Variants in PRKN observed in about 807,000 individuals in gnomAD.
The protein encoded by PRKN is E3 ubiquitin-protein ligase parkin.
A neutral mutation model predicts 59.5 loss-of-function variants in PRKN; 56 were observed. That is an observed-to-expected ratio of 0.94 (90% CI 0.76 to 1.18). PRKN has a LOEUF of 1.18. Among genes scored for constraint, PRKN ranks in the 50% most tolerant of loss-of-function variants. The pLI, the probability that PRKN is intolerant of heterozygous loss-of-function variation, is 0.00. For synonymous variants in PRKN, 250 were observed against 222.1 expected, an observed-to-expected ratio of 1.13 and a Z score of -1.12; for missense variants, 657 against 596.4, an observed-to-expected ratio of 1.10 and a Z score of -1.06.
At chr6:161,418,051 CA>C (rs1787932620) in intron 9 of PRKN, among the ~76,000 whole-genome samples, 1 of 152,242 alleles carries the variant, frequency 6.6e-6, no homozygotes, top group Non-Finnish European at 1.5e-5. Context: ...AGGCTGCCAG[CA>C]GAGCAGCTGT....
intron 5 of PRKN, among the ~76,000 whole-genome samples, chr6:162,031,018 C>G (rs535947954): frequency 2.6e-5 from 4 of 152,294 alleles, no homozygotes; most frequent in African/African-American, 9.6e-5. Context: ...ATTTCCTCCT[C>G]TAAGATAAGA....
intron 1 of PRKN, among the ~76,000 whole-genome samples, chr6:162,681,198 T>C (rs969571850): frequency 2.0e-5 from 3 of 152,076 alleles, no homozygotes; most frequent in African/African-American, 7.2e-5. Flanking sequence ...TAGCAAAAAA[T>C]GCAGAAATGT....
intron 4 of PRKN, among the ~76,000 whole-genome samples, chr6:162,177,680 T>G (rs1357282669): frequency 2.0e-5 from 3 of 152,204 alleles, no homozygotes; most frequent in Non-Finnish European, 4.4e-5. Flanking sequence ...ACGTTCTCTT[T>G]GTGCCTTCCA....
chr6:161,671,205 T>C (rs907364975), intron 7 of PRKN, among the ~76,000 whole-genome samples: 2 of 152,092 alleles, frequency 1.3e-5, no homozygotes, highest in Non-Finnish European at 2.9e-5. Flanking sequence ...AACCAAGAGA[T>C]TCTGCTGCAT....
At chr6:162,272,654 G>A (rs896087645) in intron 2 of PRKN, among the ~76,000 whole-genome samples, 1 of 151,930 alleles carries the variant, frequency 6.6e-6, no homozygotes, top group African/African-American at 2.4e-5. Flanking sequence ...ATACCTCCGC[G>A]ATTGCAAAAC....
intron 7 of PRKN, among the ~76,000 whole-genome samples, chr6:161,610,539 A>G (rs1048210373): frequency 6.6e-6 from 1 of 150,948 alleles, no homozygotes; most frequent in African/African-American, 2.4e-5. Flanking sequence ...AAATTTAAGA[A>G]CCTCTATGGA....
intron 6 of PRKN, among the ~76,000 whole-genome samples, chr6:161,851,380 T>C (rs144832551): frequency 6.6e-6 from 1 of 152,304 alleles, no homozygotes; most frequent in East Asian, 1.9e-4. Context: ...GCCTAGTCTG[T>C]GGTATTCTAT....
chr6:161,509,247 T>G (rs1024265567), intron 9 of PRKN, among the ~76,000 whole-genome samples: 1 of 151,852 alleles, frequency 6.6e-6, no homozygotes, highest in Non-Finnish European at 1.5e-5. Flanking sequence ...CTTTTTCACC[T>G]CCTGTTCTTG....
chr6:161,884,583 C>T (rs1171485273), intron 6 of PRKN, among the ~76,000 whole-genome samples: 3 of 152,126 alleles, frequency 2.0e-5, no homozygotes, highest in Non-Finnish European at 4.4e-5. Context: ...GATTACGATA[C>T]GAATGGTGAT....
chr6:161,766,314 A>ATTTTT (rs758294050), intron 7 of PRKN, among the ~76,000 whole-genome samples: 1 of 139,606 alleles, frequency 7.2e-6, no homozygotes, highest in Non-Finnish European at 1.5e-5. Context: ...CATTGACCAC[A>ATTTTT]TTTTTTTTTT....
rs561408309 is a variant in PRKN, at chr6:161,582,910, G to A, written c.872-13494C>T. Among the ~76,000 whole-genome samples the A allele has an allele frequency of 6.7e-6, 1 of 148,252 alleles. No homozygotes were observed. The highest frequency in any genetic ancestry group is 2.2e-4 in the South Asian group (1 of 4,628). ...GGCCTGACATAGGAAAAAGACTATGGGAGCCCTTGTGCCAGTGACTAAATT... is the reference window on the plus strand; with the variant it reads ...GGCCTGACATAGGAAAAAGACTATGAGAGCCCTTGTGCCAGTGACTAAATT... On this transcript the variant is annotated intron_variant, in intron 7 of 11. Transcript: ENST00000366898. This position sits in a 1 kb window ranked among gnomAD's most constrained non-coding sequence, Gnocchi z 4.4.
At chr6:162,249,330 T>C (rs1779330855) in intron 3 of PRKN, among the ~76,000 whole-genome samples, 1 of 152,212 alleles carries the variant, frequency 6.6e-6, no homozygotes, top group Non-Finnish European at 1.5e-5. Flanking sequence ...CTTACCAGGA[T>C]ACAATTGAAC....
Position 162,260,953 on chromosome 6 carries a change from C to T in PRKN, c.412+1572G>A, listed in dbSNP as rs1462211453. ...GTTTGGTACCATTTTTGGTTTCAGG[C>T]GTACACTGGGGGATTTGAAACGTAT... On this transcript the variant is annotated intron_variant, in intron 3 of 11. Coordinates refer to ENST00000366898, the MANE Select transcript of PRKN (RefSeq NM_004562.3). Among the ~76,000 whole-genome samples, 8 of 152,068 alleles carry T rather than the reference C, an allele frequency of 5.3e-5. No homozygotes were observed. The South Asian group carries it at 1.2e-3, about 24-fold the overall frequency.
chr6:162,274,646 C>T (rs1286651528), intron 2 of PRKN, among the ~76,000 whole-genome samples: 1 of 152,176 alleles, frequency 6.6e-6, no homozygotes, highest in Non-Finnish European at 1.5e-5. Flanking sequence ...AGTTCCCTCA[C>T]CCATCTCTCT....
intron 9 of PRKN, among the ~76,000 whole-genome samples, chr6:161,514,865 C>T (rs1205576165): frequency 2.0e-5 from 3 of 152,148 alleles, no homozygotes; most frequent in African/African-American, 7.2e-5. Context: ...CTCCTTAGTG[C>T]TGCCGTCATG....
chr6:161,710,511 C>T (rs1281711721), intron 7 of PRKN, among the ~76,000 whole-genome samples: 1 of 152,138 alleles, frequency 6.6e-6, no homozygotes, highest in Non-Finnish European at 1.5e-5. Context: ...AGAACATAGG[C>T]ATGGAGTGTG....
At chr6:162,429,209 G>C (rs1789389843) in intron 2 of PRKN, among the ~76,000 whole-genome samples, 1 of 152,152 alleles carries the variant, frequency 6.6e-6, no homozygotes, top group Non-Finnish European at 1.5e-5. Context: ...GGGGCTCCCT[G>C]ATGCCCTCAG....
intron 7 of PRKN, among the ~76,000 whole-genome samples, chr6:161,764,818 G>A (rs933758684): frequency 6.6e-6 from 1 of 152,140 alleles, no homozygotes; most frequent in Non-Finnish European, 1.5e-5. Context: ...AAATAGCTCT[G>A]TAGTCTTTTC....
At chr6:162,546,001 A>G (rs989105641) in intron 1 of PRKN, among the ~76,000 whole-genome samples, 6 of 152,012 alleles carry the variant, frequency 3.9e-5, no homozygotes, top group African/African-American at 1.5e-4. Flanking sequence ...TATATCTTCT[A>G]TGGCACACAA....
Sources: gnomAD v4.1 joint callset for allele counts (sites outside exome capture counted in the v4.1 genomes callset) on GRCh38, gnomAD v4.1.1 for gene constraint, Gnocchi (gnomAD v3.1) non-coding constraint, MANE v1.5 for transcripts, NCBI Gene and HGNC (gene_info 2026-07-23, HGNC 2026-07-21) for gene names.